CAMK1D: variants seen among roughly 807,000 people sequenced by gnomAD.
The protein encoded by CAMK1D is calcium/calmodulin-dependent protein kinase type 1D.
Under a neutral mutation model 47.7 loss-of-function variants are expected in CAMK1D, and 9 were observed. The observed-to-expected ratio is 0.19, with a 90% CI of 0.11 to 0.33. The LOEUF is 0.33. CAMK1D is among the 10% of genes least tolerant of loss of function. CAMK1D has a pLI of 1.00. For synonymous variants in CAMK1D, 184 were observed against 184.9 expected (o/e 0.99, Z 0.04); for missense variants, 291 against 488.7 (o/e 0.60, Z 3.81).
chr10:12,666,331 G>C (rs1840429792), intron 2 of CAMK1D, among the ~76,000 whole-genome samples: 1 of 152,118 alleles, frequency 6.6e-6, no homozygotes, highest in South Asian at 2.1e-4. Context: ...GCCTGTCATG[G>C]GGGATAGATT....
chr10:12,362,890 C>T (rs906482662), intron 1 of CAMK1D, among the ~76,000 whole-genome samples: 7 of 151,654 alleles, frequency 4.6e-5, no homozygotes, highest in Non-Finnish European at 1.0e-4. Context: ...GTGATCCACC[C>T]GCCTTGGCCT....
intron 1 of CAMK1D, among the ~76,000 whole-genome samples, chr10:12,441,899 T>C (rs2986651): frequency 0.33 from 49,809 of 151,936 alleles, 8,737 homozygotes; most frequent in African/African-American, 0.47. Context: ...ACAACTAAAA[T>C]CCCCAGATAA....
intron 3 of CAMK1D, among the ~76,000 whole-genome samples, chr10:12,759,668 A>T (rs968673166): frequency 1.3e-5 from 2 of 152,066 alleles, no homozygotes; most frequent in African/African-American, 4.8e-5. Flanking sequence ...TCTTACCTAG[A>T]TTGTCAGTTT....
intron 1 of CAMK1D, among the ~76,000 whole-genome samples, chr10:12,441,662 T>A (rs561044402): frequency 1.6e-4 from 24 of 151,598 alleles, no homozygotes; most frequent in South Asian, 4.2e-4. Context: ...AAAAAAAAAA[T>A]TTTCTGGGTG....
chr10:12,782,605 G>A (rs1328924378), intron 5 of CAMK1D, among the ~76,000 whole-genome samples: 2 of 152,192 alleles, frequency 1.3e-5, no homozygotes, highest in Non-Finnish European at 2.9e-5. Context: ...ATTACAGTTT[G>A]ATTTAGTAGC....
Position 12,505,282 on chromosome 10 carries a change from C to G in CAMK1D, c.93-47943C>G, listed in dbSNP as rs116207180. ...CTCCTGGGAGTCTTCAAGAATTGCA[C>G]TTGTTTGTAGGTAGAGGAGCTTGTT... On this transcript the variant is annotated intron_variant, in intron 1 of 10. Coordinates refer to ENST00000619168, the MANE Select transcript of CAMK1D (RefSeq NM_153498.4). Among the ~76,000 whole-genome samples the G allele has an allele frequency of 2.7e-3, 412 of 152,320 alleles. 1 individual carries two copies. Among genetic ancestry groups the G allele is most frequent in the African/African-American group, 9.5e-3 (396 of 41,570 alleles).
intron 1 of CAMK1D, among the ~76,000 whole-genome samples, chr10:12,461,170 A>G (rs1833410573): frequency 6.6e-6 from 1 of 152,100 alleles, no homozygotes; most frequent in Non-Finnish European, 1.5e-5. Context: ...ACCCTGCCAG[A>G]GCAGGTTTGA....
At chr10:12,457,719 T>C (rs568987936) in intron 1 of CAMK1D, among the ~76,000 whole-genome samples, 1 of 145,968 alleles carries the variant, frequency 6.9e-6, no homozygotes, top group African/African-American at 2.6e-5. Context: ...AGGCGGAGGT[T>C]GCAGTGAGCT....
Position 12,427,698 on chromosome 10 carries a change from C to CTTTTTTTTTTTTTT in CAMK1D, c.92+77789_92+77790insTTTTTTTTTTTTTT, listed in dbSNP as rs1588474191. Among the ~76,000 whole-genome samples the CTTTTTTTTTTTTTT allele has an allele frequency of 8.0e-4, 22 of 27,368 alleles. 1 individual carries two copies. The East Asian group carries it at 8.4e-3, about 10-fold the overall frequency. The allele number at this position is 27,368 out of a possible 152,430, so 18.0% of individuals were successfully genotyped here. ...TACTTTCCTGGCTTCACTGAACTTA[C>CTTTTTTTTTTTTTT]TGTTTTTTTTTTTTTTTTTTTTTTT... On this transcript the variant is annotated intron_variant, in intron 1 of 10. Coordinates refer to ENST00000619168, the MANE Select transcript of CAMK1D (RefSeq NM_153498.4).
In CAMK1D at chr10:12,683,293, G is replaced by A. The variant is rs372405428; in HGVS notation, c.299+16483G>A. ...GTAGAGATGGGGTTTCGCCATATTG[G>A]CCAAGCTGGTCTCAAACTCCTGACT... is the stretch of plus-strand genomic sequence containing the variant. On this transcript the variant is annotated intron_variant, in intron 3 of 10. Coordinates refer to ENST00000619168, the MANE Select transcript of CAMK1D (RefSeq NM_153498.4). Among the ~76,000 whole-genome samples, 20 of 152,128 alleles carry A rather than the reference G, an allele frequency of 1.3e-4. No individual in the cohort carries two copies. The East Asian group carries it at 3.1e-3, about 23-fold the overall frequency.
intron 3 of CAMK1D, among the ~76,000 whole-genome samples, chr10:12,677,952 T>C (rs1840867451): frequency 6.6e-6 from 1 of 152,140 alleles, no homozygotes; most frequent in South Asian, 2.1e-4. Flanking sequence ...GACTAACGAT[T>C]GAATATGCTT....
At chr10:12,601,217 G>T (rs1838294530) in intron 2 of CAMK1D, among the ~76,000 whole-genome samples, 1 of 144,066 alleles carries the variant, frequency 6.9e-6, no homozygotes, top group African/African-American at 2.5e-5. Flanking sequence ...TTTGCTCAGA[G>T]ATTAAGTCTT....
chr10:12,827,338 C>CT (rs1278694401), intron 10 of CAMK1D, among the ~76,000 whole-genome samples: 2 of 119,526 alleles, frequency 1.7e-5, no homozygotes, highest in African/African-American at 6.2e-5. Flanking sequence ...CTCTTCTCTT[C>CT]CTTCCTTCCT....
intron 6 of CAMK1D, among the ~76,000 whole-genome samples, chr10:12,808,487 A>G (rs959293247): frequency 3.3e-5 from 5 of 152,218 alleles, no homozygotes; most frequent in African/African-American, 1.2e-4. Flanking sequence ...ATGTCGGCTG[A>G]TTAAAAATGA....
At chr10:12,476,469 G>C (rs571519582) in intron 1 of CAMK1D, among the ~76,000 whole-genome samples, 8 of 152,164 alleles carry the variant, frequency 5.3e-5, no homozygotes, top group African/African-American at 1.9e-4. Context: ...ACGATCTGCA[G>C]GGTAAAGATA....
rs576138252 is a variant in CAMK1D, at chr10:12,437,199, T to C, written c.92+87289T>C. The stretch of plus-strand genomic sequence containing the variant: ...ATCTGTCTGTCTGTCTGTCTGTCTG[T>C]CTATGTAATCTATCTAGAGTCTCGC... On this transcript the variant is annotated intron_variant, in intron 1 of 10. Transcript: ENST00000619168. 2.0e-5 allele frequency among the ~76,000 whole-genome samples: 3 copies of C among 152,236 alleles called. No individual in the cohort carries two copies. In the South Asian group the frequency reaches 6.2e-4, roughly 32 times the overall value.
At chr10:12,471,856 ACT>A (rs1286735163) in intron 1 of CAMK1D, among the ~76,000 whole-genome samples, 1 of 151,216 alleles carries the variant, frequency 6.6e-6, no homozygotes, top group East Asian at 1.9e-4. Context: ...ACATAGCAAG[ACT>A]CTCTCTCTAC....
chr10:12,753,628 A>AAAAGCC (rs1836091120), intron 3 of CAMK1D, among the ~76,000 whole-genome samples: 1 of 152,188 alleles, frequency 6.6e-6, no homozygotes, highest in Non-Finnish European at 1.5e-5. Flanking sequence ...TTTTCCCCTG[A>AAAAGCC]CCACACGTGG....
intron 2 of CAMK1D, among the ~76,000 whole-genome samples, chr10:12,661,918 C>G (rs1840284375): frequency 6.6e-6 from 1 of 152,218 alleles, no homozygotes; most frequent in Non-Finnish European, 1.5e-5. Flanking sequence ...CATCCCATTT[C>G]CCTTTTAAAT....
Sources: gnomAD v4.1 joint callset for allele counts (sites outside exome capture counted in the v4.1 genomes callset) on GRCh38, gnomAD v4.1.1 for gene constraint, MANE v1.5 for transcripts, NCBI Gene and HGNC (gene_info 2026-07-23, HGNC 2026-07-21) for gene names.